The following FHIP1A variants were observed in gnomAD, a reference collection of about 807,000 sequenced individuals.
The protein encoded by FHIP1A is FHF complex subunit HOOK interacting protein 1A, also known as FHF complex subunit HOOK-interacting protein 1A.
Under a neutral mutation model 88.6 loss-of-function variants are expected in FHIP1A, and 61 were observed. The ratio of observed to expected loss-of-function variants is 0.69; its 90% CI spans 0.56 to 0.85. The LOEUF is 0.85. Ranked by LOEUF, FHIP1A falls within the 40% of genes least tolerant of loss-of-function variation. The probability of loss-of-function intolerance (pLI) is 0.00; values close to 1 mark genes in which losing one functional copy is unlikely to be tolerated. For synonymous variants in FHIP1A, 478 were observed against 496.0 expected, an observed-to-expected ratio of 0.96 and a Z score of 0.48; for missense variants, 1,154 against 1,273.5, an observed-to-expected ratio of 0.91 and a Z score of 1.43.
At chr4:151,569,197 G>C (rs1329835113) in intron 4 of FHIP1A, among the ~76,000 whole-genome samples, 1 of 152,134 alleles carries the variant, frequency 6.6e-6, no homozygotes, top group East Asian at 1.9e-4. Context: ...AAGCTGGGAA[G>C]CATTTTATTT....
At chr4:151,546,772 A>G (rs1732518838) in intron 3 of FHIP1A, among the ~76,000 whole-genome samples, 1 of 152,244 alleles carries the variant, frequency 6.6e-6, no homozygotes, top group Admixed American at 6.5e-5. Flanking sequence ...ATACACACGC[A>G]ACATGTTAAA....
At chr4:151,653,786 C>T (rs1737122274) in intron 11 of FHIP1A, among the ~76,000 whole-genome samples, 1 of 151,950 alleles carries the variant, frequency 6.6e-6, no homozygotes, top group Non-Finnish European at 1.5e-5. Context: ...AATCAATGGC[C>T]GCTCCATTCT....
intron 5 of FHIP1A, among the ~76,000 whole-genome samples, chr4:151,586,087 A>G (rs1283096001): frequency 1.3e-5 from 2 of 152,128 alleles, no homozygotes; most frequent in Non-Finnish European, 2.9e-5. Flanking sequence ...GTAAACTGCA[A>G]ACATGCAGCT....
chr4:151,448,995 A>G lies in FHIP1A; in HGVS notation c.-355-5706A>G, dbSNP rs556272258. On this transcript the variant is annotated intron_variant, in intron 1 of 13. Transcript: ENST00000435205. ...TGGTTAGTCTGTCTCATGGTGCCCA[A>G]TTATATTCTTTCATAACATTTACCA... Among the ~76,000 whole-genome samples, 7 of 152,234 alleles carry G rather than the reference A, an allele frequency of 4.6e-5. No individual in the cohort carries two copies. In the South Asian group the frequency reaches 6.2e-4, roughly 14 times the overall value.
rs1421846638 is a variant in FHIP1A at position 151,656,375 on chromosome 4, A to G, written c.2695A>G (p.Met899Val). The part of the protein sequence containing the change: ...LLRSFLLNTN[M>V]VFQPSVRSLY... Reference sequence around the variant, plus strand: ...GCGCTCCTTTCTGCTCAACACCAACATGGTCTTCCAGCCAAGCGTCCGCTC... The same window carrying G: ...GCGCTCCTTTCTGCTCAACACCAACGTGGTCTTCCAGCCAAGCGTCCGCTC... The change falls in exon 12 of 14, where the codon ATG becomes GTG. Residue 899 changes from methionine to valine, a missense_variant. By Grantham distance (21) the Met-to-Val change is conservative. Coordinates refer to ENST00000435205, the MANE Select transcript of FHIP1A (RefSeq NM_001109977.3). The surrounding 1 kb of genome is among the most constrained non-coding windows in gnomAD (Gnocchi z 4.2). 3 of 1,551,694 alleles carry G rather than the reference A, an allele frequency of 1.9e-6. No individual in the cohort carries two copies. The highest frequency in any genetic ancestry group is 2.4e-5 in the East Asian group (1 of 40,928).
At chr4:151,480,504 G>T (rs1403468047) in intron 2 of FHIP1A, among the ~76,000 whole-genome samples, 1 of 152,072 alleles carries the variant, frequency 6.6e-6, no homozygotes, top group Non-Finnish European at 1.5e-5. Flanking sequence ...GGAGGTAAAA[G>T]AGCCTGTATC....
At chr4:151,431,100 G>C (rs1359147017) in intron 1 of FHIP1A, among the ~76,000 whole-genome samples, 1 of 152,150 alleles carries the variant, frequency 6.6e-6, no homozygotes, top group Non-Finnish European at 1.5e-5. Context: ...TTTAAAGACT[G>C]CTTCTAGGAT....
At position 151,557,053 on chromosome 4, in the gene FHIP1A, A is replaced by G. The variant is rs557254194; in HGVS notation, c.-122-9085A>G. Among the ~76,000 whole-genome samples the G allele has an allele frequency of 1.2e-4, 19 of 152,310 alleles. No individual in the cohort carries two copies. The South Asian group carries it at 3.5e-3, about 28-fold the overall frequency. On this transcript the variant is annotated intron_variant, in intron 3 of 13. Coordinates refer to ENST00000435205, the MANE Select transcript of FHIP1A (RefSeq NM_001109977.3). ...AGTAACATCAGAATCTAGTCCCCAT[A>G]TATTGCAATTTCACTCTAATAGTAT...
chr4:151,653,113 C>T (rs777412062), intron 11 of FHIP1A, among the ~76,000 whole-genome samples: 4 of 152,138 alleles, frequency 2.6e-5, no homozygotes, highest in African/African-American at 9.7e-5. Context: ...TAGGAATGTC[C>T]TCAGAGCTGT....
chr4:151,478,780 T>TA (rs1002276476), intron 2 of FHIP1A, among the ~76,000 whole-genome samples: 4 of 151,786 alleles, frequency 2.6e-5, no homozygotes, highest in African/African-American at 4.8e-5. Flanking sequence ...AATAACTACT[T>TA]AAAAAAAACA....
intron 3 of FHIP1A, among the ~76,000 whole-genome samples, chr4:151,503,517 T>C (rs1012198974): frequency 2.6e-5 from 4 of 152,008 alleles, no homozygotes; most frequent in Admixed American, 2.0e-4. Flanking sequence ...CTGTAGACAG[T>C]GTCTGGTGAA....
intron 7 of FHIP1A, among the ~76,000 whole-genome samples, chr4:151,613,772 T>A (rs1735411187): frequency 6.6e-6 from 1 of 152,138 alleles, no homozygotes; most frequent in African/African-American, 2.4e-5. Flanking sequence ...TTTAACTGGA[T>A]CAGGATAGGG....
rs573447284 is a variant in FHIP1A at position 151,644,585 on chromosome 4, C to G, written c.1227-1973C>G. 2.0e-5 allele frequency among the ~76,000 whole-genome samples: 3 copies of G among 152,278 alleles called. No individual in the cohort carries two copies. The East Asian group carries it at 5.8e-4, about 29-fold the overall frequency. On this transcript the variant is annotated intron_variant, in intron 9 of 13. Transcript: ENST00000435205. ...CAGGCTCGTTTTGAACTCTCGGCCT[C>G]AAGCAGTCCTCCCGCCTTAGCTTCC...
intron 7 of FHIP1A, among the ~76,000 whole-genome samples, chr4:151,608,639 C>T (rs577744719): frequency 1.4e-4 from 21 of 152,166 alleles, no homozygotes; most frequent in Non-Finnish European, 2.6e-4. Flanking sequence ...TATTAATGCT[C>T]CTTCGCTGAA....
intron 10 of FHIP1A, among the ~76,000 whole-genome samples, chr4:151,647,048 G>A (rs1015798041): frequency 3.9e-5 from 6 of 152,154 alleles, no homozygotes; most frequent in African/African-American, 9.7e-5. Context: ...AACAAGACGG[G>A]GGTGAGAGGT....
chr4:151,562,550 C>T (rs1346756986), intron 3 of FHIP1A, among the ~76,000 whole-genome samples: 3 of 152,236 alleles, frequency 2.0e-5, no homozygotes, highest in Admixed American at 6.5e-5. Flanking sequence ...CCTCTGGCTC[C>T]GTCTCCCCTT....
At chr4:151,638,959 A>G (rs1230462542) in intron 9 of FHIP1A, among the ~76,000 whole-genome samples, 1 of 152,198 alleles carries the variant, frequency 6.6e-6, no homozygotes, top group Non-Finnish European at 1.5e-5. Flanking sequence ...TATTTGTACT[A>G]TTAAAAGTTT....
At chr4:151,622,134 G>A (rs1036222143) in intron 7 of FHIP1A, among the ~76,000 whole-genome samples, 1 of 152,132 alleles carries the variant, frequency 6.6e-6, no homozygotes, top group Non-Finnish European at 1.5e-5. Flanking sequence ...CAATCTTAAA[G>A]GATGAATATG....
intron 3 of FHIP1A, among the ~76,000 whole-genome samples, chr4:151,560,510 G>A (rs547521285): frequency 4.6e-5 from 7 of 152,172 alleles, no homozygotes; most frequent in African/African-American, 9.6e-5. Flanking sequence ...TTCAAGTCTC[G>A]CCTTTCAAGT....
Sources: allele counts gnomAD v4.1 joint callset (sites outside exome capture counted in the v4.1 genomes callset), GRCh38; gene constraint gnomAD v4.1.1; non-coding constraint Gnocchi (gnomAD v3.1); transcripts MANE v1.5; gene names NCBI Gene and HGNC (gene_info 2026-07-23, HGNC 2026-07-21).